Variants in GUCY2C observed in about 807,000 individuals in gnomAD.
GUCY2C encodes the protein guanylate cyclase 2C.
GUCY2C carries 118 observed loss-of-function variants against 131.1 expected under a neutral mutation model. The ratio of observed to expected loss-of-function variants is 0.90; its 90% CI spans 0.78 to 1.05. The LOEUF is 1.05. Ranked by LOEUF, GUCY2C falls within the 50% of genes least tolerant of loss-of-function variation. GUCY2C has a pLI of 0.00. For missense variants in GUCY2C, 1,161 were observed against 1,304.4 expected (o/e 0.89, Z 1.69); for synonymous variants, 452 against 457.8 (o/e 0.99, Z 0.16).
At chr12:14,670,624 C>G (rs896553846) in intron 9 of GUCY2C, among the ~76,000 whole-genome samples, 1 of 151,712 alleles carries the variant, frequency 6.6e-6, no homozygotes, top group Non-Finnish European at 1.5e-5. Context: ...ATCATGGGAC[C>G]GGTCTTTCCC....
At chr12:14,629,158 C>T (rs1224176141) in intron 19 of GUCY2C, among the ~76,000 whole-genome samples, 1 of 152,092 alleles carries the variant, frequency 6.6e-6, no homozygotes, top group Non-Finnish European at 1.5e-5. Flanking sequence ...GTAACAAAAG[C>T]CCACCAAGAG....
intron 22 of GUCY2C, 40 bp downstream of exon 22, chr12:14,621,965 G>A (rs1012131959): frequency 4.2e-6 from 6 of 1,414,294 alleles, no homozygotes; most frequent in East Asian, 2.4e-5. Context: ...ACCTTGAGTT[G>A]TACAATTAAT....
chr12:14,671,230 C>G (rs1948101585), intron 9 of GUCY2C, among the ~76,000 whole-genome samples: 1 of 152,104 alleles, frequency 6.6e-6, no homozygotes, highest in South Asian at 2.1e-4. Context: ...CTCTGCCTCC[C>G]AGGTTCAAAT....
chr12:14,639,996 G>A (rs1295823999), intron 18 of GUCY2C, 46 bp from the exon 19 acceptor site: 1 of 1,176,376 alleles, frequency 8.5e-7, no homozygotes, highest in Non-Finnish European at 1.3e-6. Flanking sequence ...AATACAGCAT[G>A]AAGAAATGGA....
rs768515905 is a variant in GUCY2C at position 14,622,176 on chromosome 12, C to T, written c.2430G>A (p.Lys810=). The T allele has an allele frequency of 2.6e-6, 4 of 1,563,270 alleles. No homozygotes were observed. The highest frequency in any genetic ancestry group is 3.4e-6 in the Non-Finnish European group (4 of 1,159,806). The part of the protein sequence containing the change: ...LLPRLVVKSL[K]EKGFVEPELY... ...GTTCCGGCTCCACAAAGCCTTTCTCCTTCAGAGACTTTACCACTAGCCTAG... is the reference window on the plus strand; with the variant it reads ...GTTCCGGCTCCACAAAGCCTTTCTCTTTCAGAGACTTTACCACTAGCCTAG... The change falls in exon 22 of 27, where the codon AAG becomes AAA. Residue 810 remains lysine (K), a synonymous_variant. Transcript: ENST00000261170.
At chr12:14,664,881 C>A (rs1341517629) in intron 10 of GUCY2C, among the ~76,000 whole-genome samples, 1 of 152,030 alleles carries the variant, frequency 6.6e-6, no homozygotes, top group Non-Finnish European at 1.5e-5. Flanking sequence ...TTCATTTATT[C>A]ATTCCAAGGC....
intron 3 of GUCY2C, 138 bp downstream of exon 3, chr12:14,686,023 G>C (rs1948461343): frequency 1.6e-6 from 1 of 609,590 alleles, no homozygotes; most frequent in Non-Finnish European, 2.9e-6. Flanking sequence ...CTGGATAAGA[G>C]AATGACAGTT....
intron 17 of GUCY2C, among the ~76,000 whole-genome samples, chr12:14,641,771 T>C (rs1287179006): frequency 2.6e-5 from 4 of 152,090 alleles, no homozygotes. Flanking sequence ...ACCCTGTCTC[T>C]ACTAAAAATA....
intron 6 of GUCY2C, among the ~76,000 whole-genome samples, chr12:14,678,435 A>G (rs1004895134): frequency 6.6e-6 from 1 of 152,240 alleles, no homozygotes; most frequent in Admixed American, 6.5e-5. Flanking sequence ...GTAAAATTAT[A>G]CCAACCTGGC....
At chr12:14,631,485 G>GT (rs1360920642) in intron 19 of GUCY2C, among the ~76,000 whole-genome samples, 3 of 151,592 alleles carry the variant, frequency 2.0e-5, no homozygotes, top group Non-Finnish European at 4.4e-5. Flanking sequence ...GCGGTGTTTG[G>GT]TTTTTTGTCC....
rs1035727632 is a variant in GUCY2C at position 14,621,995 on chromosome 12, A to C, written c.2601+10T>G. The stretch of plus-strand genomic sequence containing the variant: ...ATTAATGGTTTCAGCCTGTTAGGTG[A>C]TGTGGTTACCTTGTAGACATCATGA... On this transcript the variant is annotated intron_variant, in intron 22 of 26. Coordinates refer to ENST00000261170, the MANE Select transcript of GUCY2C (RefSeq NM_004963.4). 6.4e-7 allele frequency: 1 copy of C among 1,569,196 alleles called. No homozygotes were observed. The highest frequency in any genetic ancestry group is 8.6e-7 in the Non-Finnish European group (1 of 1,157,244).
intron 20 of GUCY2C, among the ~76,000 whole-genome samples, chr12:14,626,223 C>T (rs1479700920): frequency 6.6e-6 from 1 of 151,712 alleles, no homozygotes; most frequent in Non-Finnish European, 1.5e-5. Flanking sequence ...CTCCAGAGGC[C>T]GAGGCAGGAG....
chr12:14,618,947 C>T (rs1331211801), intron 24 of GUCY2C, among the ~76,000 whole-genome samples: 3 of 151,876 alleles, frequency 2.0e-5, no homozygotes, highest in Non-Finnish European at 4.4e-5. Flanking sequence ...TAGAATATCC[C>T]CAGATTCATT....
chr12:14,681,211 C>G, intron 5 of GUCY2C, 145 bp downstream of exon 5: 2 of 656,562 alleles, frequency 3.0e-6, no homozygotes, highest in Middle Eastern at 4.3e-4. Context: ...AAGTTGCATG[C>G]AATTATAGAT....
chr12:14,692,229 C>T (rs1015314902), intron 1 of GUCY2C, among the ~76,000 whole-genome samples: 1 of 152,098 alleles, frequency 6.6e-6, no homozygotes, highest in Non-Finnish European at 1.5e-5. Context: ...TCTCCAGAGG[C>T]TATATCACAT....
At chr12:14,617,664 A>G (rs1167864202) in intron 24 of GUCY2C, among the ~76,000 whole-genome samples, 1 of 152,208 alleles carries the variant, frequency 6.6e-6, no homozygotes, top group Non-Finnish European at 1.5e-5. Context: ...CACCTTTCCC[A>G]ATATAGGGGC....
At chr12:14,643,772 G>A in intron 16 of GUCY2C, 66 bp from the exon 17 acceptor site, 1 of 1,441,284 alleles carries the variant, frequency 6.9e-7, no homozygotes, top group Admixed American at 1.9e-5. Context: ...TTATTTTAAA[G>A]AAAAAAGTGA....
intron 5 of GUCY2C, among the ~76,000 whole-genome samples, chr12:14,681,095 C>T (rs547450377): frequency 5.3e-5 from 8 of 151,932 alleles, no homozygotes; most frequent in Admixed American, 2.0e-4. Flanking sequence ...TTATAAAAGC[C>T]GGATTTTAGC....
chr12:14,674,837 G>A (rs1948194224), intron 7 of GUCY2C, 77 bp from the exon 8 acceptor site: 2 of 1,069,088 alleles, frequency 1.9e-6, no homozygotes, highest in East Asian at 4.7e-5. Context: ...AAAGGTTGTT[G>A]GGATCAGCAG....
Sources: allele counts gnomAD v4.1 joint callset (sites outside exome capture counted in the v4.1 genomes callset), GRCh38; gene constraint gnomAD v4.1.1; transcripts MANE v1.5; gene names NCBI Gene and HGNC (gene_info 2026-07-23, HGNC 2026-07-21).